Variants in SNX31 observed in about 807,000 individuals in gnomAD.
The protein encoded by SNX31 is sorting nexin-31.
A neutral mutation model predicts 65.4 loss-of-function variants in SNX31; 58 were observed. The ratio of observed to expected loss-of-function variants is 0.89; its 90% confidence interval spans 0.72 to 1.10. SNX31 has a LOEUF of 1.10. Ranked by LOEUF, SNX31 falls within the 50% of genes least tolerant of loss-of-function variation. The pLI is 0.00. For missense variants in SNX31, 523 were observed against 529.7 expected, an observed-to-expected ratio of 0.99 and a Z score of 0.12; for synonymous variants, 181 against 190.1, an observed-to-expected ratio of 0.95 and a Z score of 0.39.
upstream of SNX31, among the ~76,000 whole-genome samples, chr8:100,650,051 A>G (rs1331975434): frequency 4.8e-5 from 6 of 125,616 alleles, no homozygotes; most frequent in East Asian, 1.5e-3. Flanking sequence ...TTTTCCCCTT[A>G]AAATACCAGA....
At position 100,588,980 on chromosome 8, in the gene SNX31, C is replaced by G. The variant is rs1230819199; in HGVS notation, c.979-1G>C. The G allele has an allele frequency of 6.2e-7, 1 of 1,607,356 alleles. No individual in the cohort carries two copies. Among genetic ancestry groups the G allele is most frequent in the South Asian group, 1.1e-5 (1 of 90,638 alleles). On this transcript the variant is annotated splice_acceptor_variant, in intron 10 of 13. Coordinates refer to ENST00000311812, the MANE Select transcript of SNX31 (RefSeq NM_152628.4). LOFTEE classifies it high-confidence loss of function. This position sits in a 1 kb window ranked among gnomAD's most constrained non-coding sequence, Gnocchi z 4.8. Reference sequence around the variant, plus strand: ...GCCCATCCGTATCCAGCAGAGTTCCCTACAAAGGAAAATATTTTATATTCA... The same window carrying G: ...GCCCATCCGTATCCAGCAGAGTTCCGTACAAAGGAAAATATTTTATATTCA...
rs562944323 is a variant in SNX31, at chr8:100,612,179, T to C, written c.524-92A>G. On this transcript the variant is annotated intron_variant, in intron 6 of 13. Transcript: ENST00000311812. This position sits in a 1 kb window ranked among gnomAD's most constrained non-coding sequence, Gnocchi z 4.3. ...CAAATGAGAAAATAAAACCTTATTA[T>C]TGGAAATAATAAAATCACAGTAAGA... 1.3e-5 allele frequency: 10 copies of C among 754,830 alleles called. No individual in the cohort carries two copies. In the East Asian group the frequency reaches 2.1e-4, roughly 16 times the overall value. The allele number at this position is 754,830 out of a possible 1,614,324, so 46.8% of individuals were successfully genotyped here.
At chr8:100,618,145 T>C (rs1370087484) in intron 4 of SNX31, 2 of 985,286 alleles carry the variant, frequency 2.0e-6, no homozygotes, top group African/African-American at 1.7e-5. Flanking sequence ...TTCTAGCATA[T>C]GGTACCCAAA....
chr8:100,659,811 A>AT (rs1809749354), intron 1 of SNX31, among the ~76,000 whole-genome samples: 4 of 152,148 alleles, frequency 2.6e-5, no homozygotes, highest in Non-Finnish European at 1.5e-5. Context: ...CTCTGGCTTT[A>AT]TAAGTTACCC....
At chr8:100,634,424 G>T (rs1020459280) in intron 3 of SNX31, among the ~76,000 whole-genome samples, 1 of 151,870 alleles carries the variant, frequency 6.6e-6, no homozygotes, top group Non-Finnish European at 1.5e-5. Context: ...CCCAATCAAA[G>T]CCAAAATACA....
chr8:100,588,725 G>A lies in SNX31; in HGVS notation c.1092+141C>T. On this transcript the variant is annotated intron_variant, in intron 11 of 13. Coordinates refer to ENST00000311812, the MANE Select transcript of SNX31 (RefSeq NM_152628.4). This position sits in a 1 kb window ranked among gnomAD's most constrained non-coding sequence, Gnocchi z 4.8. ...AACAAAACATAAAACAAAATAAAAGGTATTACGGTCCCGAACGAGAGTGCA... is the reference window on the plus strand; with the variant it reads ...AACAAAACATAAAACAAAATAAAAGATATTACGGTCCCGAACGAGAGTGCA... The A allele has an allele frequency of 4.1e-6, 2 of 491,586 alleles. No homozygotes were observed. The highest frequency in any genetic ancestry group is 3.3e-5 in the East Asian group (1 of 30,460). 30.5% of individuals were successfully genotyped at this position (491,586 alleles called of 1,614,324 possible).
intron 2 of SNX31, among the ~76,000 whole-genome samples, chr8:100,637,923 T>C (rs1266734094): frequency 6.6e-6 from 1 of 152,218 alleles, no homozygotes; most frequent in African/African-American, 2.4e-5. Context: ...CTCAAACTCC[T>C]GACCTCAGGT....
chr8:100,614,613 G>A lies in SNX31; in HGVS notation c.433-1528C>T, dbSNP rs1451460568. 6.6e-6 allele frequency among the ~76,000 whole-genome samples: 1 copy of A among 152,178 alleles called. No individual in the cohort carries two copies. The highest frequency in any genetic ancestry group is 1.5e-5 in the Non-Finnish European group (1 of 68,034). On this transcript the variant is annotated intron_variant, in intron 5 of 13. Coordinates refer to ENST00000311812, the MANE Select transcript of SNX31 (RefSeq NM_152628.4). The surrounding 1 kb of genome is among the most constrained non-coding windows in gnomAD (Gnocchi z 5.1). The stretch of plus-strand genomic sequence containing the variant: ...ATTGAGGCCCGGCACGGTGGCTCAT[G>A]CCTGTAATCCCAGCACTTTGGAAGG...
rs1279018794 is a variant in SNX31 at position 100,629,527 on chromosome 8, C to A, written c.321+800G>T. ...GTTTACATGAGATTTGTTGTGAGAA[C>A]CCAATGGGATTTTATTTTATAAATG... On this transcript the variant is annotated intron_variant, in intron 4 of 13. Transcript: ENST00000311812. The surrounding 1 kb of genome is among the most constrained non-coding windows in gnomAD (Gnocchi z 5.1). Among the ~76,000 whole-genome samples the A allele has an allele frequency of 2.0e-5, 3 of 152,082 alleles. No individual in the cohort carries two copies. The highest frequency in any genetic ancestry group is 2.9e-5 in the Non-Finnish European group (2 of 68,018).
chr8:100,632,061 C>A (rs114641776), intron 3 of SNX31, among the ~76,000 whole-genome samples: 1 of 152,250 alleles, frequency 6.6e-6, no homozygotes, highest in African/African-American at 2.4e-5. Context: ...AGGTATCTTG[C>A]CCAAGGTCAC....
intron 12 of SNX31, among the ~76,000 whole-genome samples, chr8:100,583,677 T>C (rs1485031294): frequency 1.4e-4 from 21 of 152,166 alleles, no homozygotes; most frequent in Admixed American, 1.4e-3. Context: ...GGCATTTTCA[T>C]TTGGCACAAT....
rs139286286 is a variant in SNX31, at chr8:100,614,456, G to C, written c.433-1371C>G. Among the ~76,000 whole-genome samples the C allele has an allele frequency of 5.3e-3, 807 of 152,312 alleles. 7 individuals carry two copies. Among genetic ancestry groups the C allele is most frequent in the African/African-American group, 0.018 (765 of 41,578 alleles). On this transcript the variant is annotated intron_variant, in intron 5 of 13. Transcript: ENST00000311812. This position sits in a 1 kb window ranked among gnomAD's most constrained non-coding sequence, Gnocchi z 5.1. ...ATAAACACCTTCTTTTGAGAGGAGT[G>C]AGCATCAGCAAAAAAATACGTAATA...
chr8:100,606,379 C>T (rs1387393779), intron 8 of SNX31, among the ~76,000 whole-genome samples: 2 of 152,078 alleles, frequency 1.3e-5, no homozygotes, highest in Non-Finnish European at 2.9e-5. Context: ...GGAATGAACT[C>T]AAAGCTATAT....
Position 100,622,705 on chromosome 8 carries a change from TA to T in SNX31, c.322-4976del, listed in dbSNP as rs1451455643. Among the ~76,000 whole-genome samples, 3 of 151,972 alleles carry T rather than the reference TA, an allele frequency of 2.0e-5. No individual in the cohort carries two copies. Among genetic ancestry groups the T allele is most frequent in the African/African-American group, 7.2e-5 (3 of 41,502 alleles). On this transcript the variant is annotated intron_variant, in intron 4 of 13. Transcript: ENST00000311812. This position sits in a 1 kb window ranked among gnomAD's most constrained non-coding sequence, Gnocchi z 5.0. ...ATAAATAAATAAATAAAAATAAAAA[TA>T]AATTAAATGGGGGCATTTAAAAATG...
chr8:100,646,600 T>G (rs1819656718), intron 2 of SNX31, among the ~76,000 whole-genome samples: 1 of 152,254 alleles, frequency 6.6e-6, no homozygotes, highest in Non-Finnish European at 1.5e-5. Flanking sequence ...CACAGCCATC[T>G]TGAAATATGT....
Position 100,576,916 on chromosome 8 carries a change from A to G in SNX31, c.1227+103T>C. 1 of 958,270 alleles carries G rather than the reference A, an allele frequency of 1.0e-6. No homozygotes were observed. The highest frequency in any genetic ancestry group is 1.6e-6 in the Non-Finnish European group (1 of 622,324). The allele number at this position is 958,270 out of a possible 1,614,324, so 59.4% of individuals were successfully genotyped here. The stretch of plus-strand genomic sequence containing the variant: ...CAAAGAGGAGCTTCTGAGAAACATA[A>G]TTCTGACTTATTATTGAAAGTGAGA... On this transcript the variant is annotated intron_variant, in intron 13 of 13. Transcript: ENST00000311812. This position sits in a 1 kb window ranked among gnomAD's most constrained non-coding sequence, Gnocchi z 4.8.
At chr8:100,618,715 T>TTAG (rs1189608598) in intron 4 of SNX31, 5 of 275,948 alleles carry the variant, frequency 1.8e-5, no homozygotes, top group Non-Finnish European at 2.7e-5. Flanking sequence ...TGGCTTATTA[T>TTAG]AAAGGCTACA....
At position 100,612,708 on chromosome 8, in the gene SNX31, G is replaced by T. The variant is rs1380702298; in HGVS notation, c.523+287C>A. On this transcript the variant is annotated intron_variant, in intron 6 of 13. Transcript: ENST00000311812. The surrounding 1 kb of genome is among the most constrained non-coding windows in gnomAD (Gnocchi z 4.3). Reference sequence around the variant, plus strand: ...TTCACAGGAAACGGTGCAGGCGAGTGGTCAGTGGTCAGGCCGGGCCTGCGG... The same window carrying T: ...TTCACAGGAAACGGTGCAGGCGAGTTGTCAGTGGTCAGGCCGGGCCTGCGG... 6.6e-6 allele frequency among the ~76,000 whole-genome samples: 1 copy of T among 152,198 alleles called. No individual in the cohort carries two copies. Among genetic ancestry groups the T allele is most frequent in the African/African-American group, 2.4e-5 (1 of 41,438 alleles).
intron 8 of SNX31, among the ~76,000 whole-genome samples, chr8:100,606,758 G>A (rs1404138771): frequency 6.6e-6 from 1 of 152,196 alleles, no homozygotes; most frequent in Non-Finnish European, 1.5e-5. Context: ...AATTTCTTTA[G>A]CTACATCCTC....
Sources: allele counts gnomAD v4.1 joint callset (sites outside exome capture counted in the v4.1 genomes callset), GRCh38; gene constraint gnomAD v4.1.1; non-coding constraint Gnocchi (gnomAD v3.1); transcripts MANE v1.5; gene names NCBI Gene and HGNC (gene_info 2026-07-23, HGNC 2026-07-21).